C1orf54: variants seen among roughly 807,000 people sequenced by gnomAD.
The protein encoded by C1orf54 is chromosome 1 open reading frame 54.
Under a neutral mutation model 14.7 loss-of-function variants are expected in C1orf54, and 12 were observed. That is an observed-to-expected ratio of 0.82 (90% CI 0.52 to 1.32). The LOEUF is 1.32. Ranked by LOEUF, C1orf54 falls within the 40% of genes most tolerant of loss-of-function variation. The pLI is 0.00. For synonymous variants in C1orf54, 65 were observed against 56.3 expected (o/e 1.16, Z -0.70); for missense variants, 163 against 162.2 (o/e 1.00, Z -0.03).
intron 2 of C1orf54, among the ~76,000 whole-genome samples, chr1:150,274,855 G>T (rs1553852070): frequency 6.7e-6 from 1 of 148,732 alleles, no homozygotes; most frequent in African/African-American, 2.5e-5. Context: ...AGAGGTTGTG[G>T]TGAACTGAGA....
At chr1:150,273,993 C>A in intron 1 of C1orf54, 94 bp from the exon 2 acceptor site, 2 of 779,688 alleles carry the variant, frequency 2.6e-6, no homozygotes, top group South Asian at 1.6e-5. Flanking sequence ...AAAGAAAGAG[C>A]AAGAAAGCTG....
intron 2 of C1orf54, among the ~76,000 whole-genome samples, chr1:150,275,028 C>G (rs1553852135): frequency 9.4e-5 from 12 of 127,128 alleles, no homozygotes. Context: ...AAGACCTTGT[C>G]TCTATAGAAA....
chr1:150,280,287 T>C (rs1652984641), intron 5 of C1orf54, among the ~76,000 whole-genome samples: 1 of 152,250 alleles, frequency 6.6e-6, no homozygotes, highest in Admixed American at 6.5e-5. Context: ...TATTCAGTCT[T>C]AAAGAAGTTT....
intron 2 of C1orf54, 148 bp from the exon 3 acceptor site, chr1:150,275,592 AT>A: frequency 1.6e-6 from 1 of 610,224 alleles, no homozygotes; most frequent in Non-Finnish European, 2.8e-6. Context: ...ATTCACAGTC[AT>A]TTTTAACATT....
upstream of C1orf54, among the ~76,000 whole-genome samples, chr1:150,272,003 G>A (rs1553851347): frequency 6.6e-6 from 1 of 152,166 alleles, no homozygotes; most frequent in African/African-American, 2.4e-5. Context: ...AGCTGGGCAT[G>A]GTGGCACGCG....
upstream of C1orf54, among the ~76,000 whole-genome samples, chr1:150,271,962 A>C (rs782106222): frequency 2.0e-5 from 3 of 152,168 alleles, no homozygotes; most frequent in Non-Finnish European, 4.4e-5. Flanking sequence ...CAACATGGTG[A>C]AACCCCGTCT....
At chr1:150,278,542 A>T (rs1396395282) in intron 4 of C1orf54, among the ~76,000 whole-genome samples, 1 of 152,236 alleles carries the variant, frequency 6.6e-6, no homozygotes, top group Non-Finnish European at 1.5e-5. Context: ...ACACAAGCTC[A>T]GAAGGCCAGT....
chr1:150,277,640 T>C (rs1261370015), intron 4 of C1orf54, among the ~76,000 whole-genome samples: 1 of 148,526 alleles, frequency 6.7e-6, no homozygotes, highest in Admixed American at 6.8e-5. Flanking sequence ...TTAAGAAAAA[T>C]ATAAAATTTA....
chr1:150,274,657 A>C (rs587762050), intron 2 of C1orf54, among the ~76,000 whole-genome samples: 123 of 150,366 alleles, frequency 8.2e-4, no homozygotes, highest in African/African-American at 2.8e-3. Flanking sequence ...TCATGCCTGT[A>C]ATCCCAGCAC....
At position 150,276,567 on chromosome 1, in the gene C1orf54, AGTCTTGAAACAGCACGT is replaced by A; in HGVS notation, c.237_253del (p.Leu80ArgfsTer16). 6.2e-7 allele frequency: 1 copy of A among 1,614,198 alleles called. No homozygotes were observed. The highest frequency in any genetic ancestry group is 2.2e-5 in the East Asian group (1 of 44,886). Reference sequence around the variant, plus strand: ...AACAGAAGCAATAGAGACTACCATTAGTCTTGAAACAGCACGTGCAGACCATCCGAAGCCTGTAACTG... The same window carrying A: ...AACAGAAGCAATAGAGACTACCATTAGCAGACCATCCGAAGCCTGTAACTG... On this transcript the variant is annotated frameshift_variant, in exon 4 of 6. Transcript: ENST00000369099. LOFTEE classifies it high-confidence loss of function.
upstream of C1orf54, chr1:150,269,316 G>A (rs1024018799): frequency 3.0e-5 from 5 of 165,770 alleles, no homozygotes; most frequent in African/African-American, 1.2e-4. Context: ...AGAGGGGGTA[G>A]ATCCTGTTTG....
Position 150,275,761 on chromosome 1 carries a change from A to C in C1orf54, c.151A>C (p.Thr51Pro), listed in dbSNP as rs1652596245. 1.2e-6 allele frequency: 2 copies of C among 1,612,368 alleles called. No individual in the cohort carries two copies. Among genetic ancestry groups the C allele is most frequent in the Non-Finnish European group, 1.7e-6 (2 of 1,178,584 alleles). The change falls in exon 3 of 6, where the codon ACC (threonine) becomes CCC (proline). Residue 51 changes from threonine (T) to proline (P), a missense_variant. Physicochemically the swap from Thr to Pro is conservative, Grantham distance 38. Transcript: ENST00000369099. ...PSYDDFSADF[T>P]IDYSIFESED... ...TGCAGATGACTTTAGTGCAGATTTC[A>C]CCATTGATTACTCCATATTTGAGTC...
chr1:150,273,957 G>T, intron 1 of C1orf54, 130 bp from the exon 2 acceptor site: 1 of 670,674 alleles, frequency 1.5e-6, no homozygotes, highest in Non-Finnish European at 2.7e-6. Context: ...TATGACTATT[G>T]GAGGAGAGAG....
upstream of C1orf54, among the ~76,000 whole-genome samples, chr1:150,272,098 C>G (rs587604465): frequency 1.5e-4 from 23 of 151,976 alleles, no homozygotes; most frequent in South Asian, 4.2e-3. Flanking sequence ...CGAGATCGCG[C>G]CACTGCACTC....
upstream of C1orf54, among the ~76,000 whole-genome samples, chr1:150,269,910 G>A (rs1553850941): frequency 6.6e-6 from 1 of 152,084 alleles, no homozygotes; most frequent in Non-Finnish European, 1.5e-5. Context: ...GGTGGCGCAC[G>A]CCTGTAATCC....
At chr1:150,268,922 G>A (rs201956935), upstream of C1orf54, 2,264 of 885,292 alleles carry the variant, frequency 2.6e-3, 3 homozygotes, top group Non-Finnish European at 3.4e-3. Context: ...GAGGGGCGCG[G>A]TGCAATGTCA....
At chr1:150,274,296 A>G (rs2101870149) in intron 2 of C1orf54, 126 bp downstream of exon 2, 1 of 687,712 alleles carries the variant, frequency 1.5e-6, no homozygotes, top group Non-Finnish European at 2.5e-6. Flanking sequence ...GCTATGAACA[A>G]AACCTATCAA....
chr1:150,277,472 C>T (rs1652753400), intron 4 of C1orf54, among the ~76,000 whole-genome samples: 1 of 121,394 alleles, frequency 8.2e-6, no homozygotes, highest in Non-Finnish European at 1.6e-5. Context: ...CACTCTACTC[C>T]AGCCTGGGCG....
At chr1:150,269,950 T>C (rs1464837727), upstream of C1orf54, among the ~76,000 whole-genome samples, 1 of 152,064 alleles carries the variant, frequency 6.6e-6, no homozygotes, top group Non-Finnish European at 1.5e-5. Flanking sequence ...GGGGCAAATA[T>C]AGCTTGAACC....
Sources: gnomAD v4.1 joint callset for allele counts (sites outside exome capture counted in the v4.1 genomes callset) on GRCh38, gnomAD v4.1.1 for gene constraint, MANE v1.5 for transcripts, NCBI Gene and HGNC (gene_info 2026-07-23, HGNC 2026-07-21) for gene names.